The following ATF1 variants were observed in gnomAD, a reference collection of about 807,000 sequenced individuals.
The protein encoded by ATF1 is activating transcription factor 1.
ATF1 carries 16 observed loss-of-function variants against 34.7 expected under a neutral mutation model. That is an observed-to-expected ratio of 0.46 (90% CI 0.31 to 0.70). The LOEUF (loss-of-function observed/expected upper bound fraction) is 0.70, where lower values mean the gene tolerates loss of function less well. Among genes scored for constraint, ATF1 ranks in the 30% least tolerant of loss-of-function variants. The pLI, the probability that ATF1 is intolerant of heterozygous loss-of-function variation, is 0.05. For missense variants in ATF1, 255 were observed against 321.6 expected, an observed-to-expected ratio of 0.79 and a Z score of 1.58; for synonymous variants, 105 against 113.1, an observed-to-expected ratio of 0.93 and a Z score of 0.46.
intron 2 of ATF1, among the ~76,000 whole-genome samples, chr12:50,785,334 CACACAG>C (rs1162749394): frequency 7.4e-5 from 7 of 94,722 alleles, no homozygotes; most frequent in African/African-American, 2.3e-4. Context: ...CACACACACA[CACACAG>C]ACGTATATAT....
chr12:50,809,897 A>C (rs1941699220), intron 4 of ATF1, among the ~76,000 whole-genome samples: 1 of 152,158 alleles, frequency 6.6e-6, no homozygotes, highest in African/African-American at 2.4e-5. Context: ...GCAGTGGCAC[A>C]ATCTTGGCTC....
At chr12:50,810,279 A>G (rs555256165) in intron 4 of ATF1, among the ~76,000 whole-genome samples, 1 of 140,480 alleles carries the variant, frequency 7.1e-6, no homozygotes, top group African/African-American at 2.7e-5. Context: ...GTGCAGTGCC[A>G]TGATCTCGGC....
Position 50,809,480 on chromosome 12 carries a change from T to C in ATF1, c.219T>C (p.Ser73=), listed in dbSNP as rs535742814. 3.3e-5 allele frequency: 54 copies of C among 1,613,046 alleles called. No homozygotes were observed. The South Asian group carries it at 5.7e-4, about 17-fold the overall frequency. ...SYRKILKDLS[S]EDTRGRKGDG... ...GAAAAATTTTGAAAGACTTATCTTC[T>C]GAAGATACACGGGGCAGAAAAGGAG... Residue 73 remains serine (S), a synonymous_variant, in exon 4 of 7, where the codon TCT becomes TCC. Transcript: ENST00000262053.
intron 6 of ATF1, among the ~76,000 whole-genome samples, chr12:50,816,878 A>C (rs1161389651): frequency 3.9e-5 from 6 of 152,304 alleles, no homozygotes; most frequent in South Asian, 2.1e-4. Context: ...AACAAACAAA[A>C]AAAAACACAC....
chr12:50,772,174 T>C (rs1426354477), intron 1 of ATF1, among the ~76,000 whole-genome samples: 1 of 152,142 alleles, frequency 6.6e-6, no homozygotes, highest in Admixed American at 6.5e-5. Context: ...ACTGTGTTGC[T>C]CAGATTGGTC....
intron 2 of ATF1, 49 bp downstream of exon 2, chr12:50,780,287 A>G (rs1408497275): frequency 3.5e-6 from 5 of 1,425,250 alleles, no homozygotes; most frequent in African/African-American, 2.9e-5. Context: ...AATATTTTAT[A>G]TGCAGATTAA....
intron 1 of ATF1, among the ~76,000 whole-genome samples, chr12:50,767,035 G>GA (rs924247632): frequency 2.0e-5 from 3 of 152,082 alleles, no homozygotes; most frequent in Admixed American, 6.6e-5. Flanking sequence ...GGCCAGAATG[G>GA]AAAAAACATA....
Position 50,807,820 on chromosome 12 carries a change from T to G in ATF1, c.195-1636T>G, listed in dbSNP as rs534218036. 4.0e-5 allele frequency among the ~76,000 whole-genome samples: 6 copies of G among 151,246 alleles called. No homozygotes were observed. In the South Asian group the frequency reaches 6.3e-4, roughly 16 times the overall value. ...TGTGTGTGTTTTTTTTTTGTTTTTT[T>G]TTTTTTTTTGAGAGAGTCTCACTCT... On this transcript the variant is annotated intron_variant, in intron 3 of 6. Coordinates refer to ENST00000262053, the MANE Select transcript of ATF1 (RefSeq NM_005171.5).
chr12:50,806,548 G>A (rs368797688), intron 3 of ATF1: 9 of 223,036 alleles, frequency 4.0e-5, no homozygotes, highest in East Asian at 1.0e-4. Context: ...CCACGGCAAC[G>A]CCAGATGCAG....
intron 2 of ATF1, among the ~76,000 whole-genome samples, chr12:50,795,693 G>C (rs958736941): frequency 6.6e-6 from 1 of 152,062 alleles, no homozygotes; most frequent in African/African-American, 2.4e-5. Flanking sequence ...CTCAGCTCTG[G>C]GCCTGCTATA....
intron 1 of ATF1, among the ~76,000 whole-genome samples, chr12:50,779,481 A>G (rs1393824326): frequency 1.3e-5 from 2 of 150,872 alleles, no homozygotes; most frequent in Admixed American, 6.6e-5. Flanking sequence ...ATTTCGTTGT[A>G]GTTTTCAGTG....
At chr12:50,804,622 G>A (rs1941578482) in intron 3 of ATF1, among the ~76,000 whole-genome samples, 1 of 152,206 alleles carries the variant, frequency 6.6e-6, no homozygotes, top group African/African-American at 2.4e-5. Context: ...CTACACTCTA[G>A]TGTGGGTGAC....
chr12:50,772,580 C>T (rs1940802573), intron 1 of ATF1, among the ~76,000 whole-genome samples: 1 of 152,020 alleles, frequency 6.6e-6, no homozygotes, highest in South Asian at 2.1e-4. Flanking sequence ...CCCACCTCGG[C>T]CTCCCAAAGT....
At chr12:50,818,931 T>C (rs1281281274) in intron 6 of ATF1, among the ~76,000 whole-genome samples, 3 of 152,234 alleles carry the variant, frequency 2.0e-5, no homozygotes, top group Non-Finnish European at 2.9e-5. Flanking sequence ...TATATGTATA[T>C]AAACTTACAT....
At chr12:50,777,807 A>T (rs1306388151) in intron 1 of ATF1, among the ~76,000 whole-genome samples, 1 of 151,952 alleles carries the variant, frequency 6.6e-6, no homozygotes, top group Non-Finnish European at 1.5e-5. Flanking sequence ...TTTCTGACTT[A>T]GAAAAAAGGA....
At chr12:50,802,242 G>T (rs1376285470) in intron 3 of ATF1, among the ~76,000 whole-genome samples, 1 of 152,160 alleles carries the variant, frequency 6.6e-6, no homozygotes, top group African/African-American at 2.4e-5. Context: ...ACATATACTG[G>T]AGGCCAGGCA....
At chr12:50,782,555 T>TTC (rs2139653186) in intron 2 of ATF1, among the ~76,000 whole-genome samples, 1 of 71,596 alleles carries the variant, frequency 1.4e-5, no homozygotes, top group South Asian at 3.3e-4. Context: ...ACACCCGGCC[T>TTC]TTTTTTTTTT....
At chr12:50,776,482 C>T (rs555060539) in intron 1 of ATF1, among the ~76,000 whole-genome samples, 18 of 136,190 alleles carry the variant, frequency 1.3e-4, no homozygotes, top group African/African-American at 4.7e-4. Context: ...CACAGAGCAA[C>T]ACCCTGTCTT....
Position 50,780,208 on chromosome 12 carries a change from G to A in ATF1, c.63G>A (p.Gln21=). 1 of 1,613,758 alleles carries A rather than the reference G, an allele frequency of 6.2e-7. No individual in the cohort carries two copies. Among genetic ancestry groups the A allele is most frequent in the South Asian group, 1.1e-5 (1 of 91,054 alleles). Residue 21 remains glutamine, a synonymous_variant, in exon 2 of 7, where the codon CAG becomes CAA. Coordinates refer to ENST00000262053, the MANE Select transcript of ATF1 (RefSeq NM_005171.5). ...CACCTCAACCTGGTTCAGCAGTTCA[G>A]GGAGCTCACATTTCTCATATTGCTC... ...ETAPQPGSAV[Q]GAHISHIAQQ...
Sources: allele counts gnomAD v4.1 joint callset (sites outside exome capture counted in the v4.1 genomes callset), GRCh38; gene constraint gnomAD v4.1.1; transcripts MANE v1.5; gene names NCBI Gene and HGNC (gene_info 2026-07-23, HGNC 2026-07-21).